CDH9: variants seen among roughly 807,000 people sequenced by gnomAD.
CDH9 encodes cadherin-9.
In CDH9, 28 loss-of-function variants were observed where a neutral mutation model predicts 70.9. The ratio of observed to expected loss-of-function variants is 0.40; its 90% CI spans 0.29 to 0.54. The LOEUF is 0.54. Among genes scored for constraint, CDH9 ranks in the 20% least tolerant of loss-of-function variants. The pLI, the probability that CDH9 is intolerant of heterozygous loss-of-function variation, is 0.59. For missense variants in CDH9, 874 were observed against 984.4 expected (o/e 0.89, Z 1.50); for synonymous variants, 409 against 343.1 (o/e 1.19, Z -2.12).
At chr5:26,896,820 G>C (rs1047286780) in intron 7 of CDH9, among the ~76,000 whole-genome samples, 2 of 151,868 alleles carry the variant, frequency 1.3e-5, no homozygotes, top group Non-Finnish European at 2.9e-5. Flanking sequence ...ACTAACATCA[G>C]AGCAGAGCTG....
At chr5:26,905,022 C>A (rs1024380662) in intron 5 of CDH9, among the ~76,000 whole-genome samples, 5 of 151,994 alleles carry the variant, frequency 3.3e-5, no homozygotes, top group Non-Finnish European at 7.4e-5. Context: ...ATGTTCTCAG[C>A]AAACTTTATT....
intron 1 of CDH9, among the ~76,000 whole-genome samples, chr5:27,033,490 A>T (rs1295027161): frequency 1.3e-5 from 2 of 151,534 alleles, no homozygotes; most frequent in Admixed American, 1.3e-4. Context: ...ATAGACAGAC[A>T]GACAGACAGA....
intron 2 of CDH9, among the ~76,000 whole-genome samples, chr5:26,930,359 T>C (rs1741421213): frequency 6.6e-6 from 1 of 152,064 alleles, no homozygotes. Context: ...AGATGGAGGA[T>C]TGGTTTCAGG....
At chr5:26,985,008 C>T (rs575989435) in intron 2 of CDH9, among the ~76,000 whole-genome samples, 1 of 152,156 alleles carries the variant, frequency 6.6e-6, no homozygotes, top group African/African-American at 2.4e-5. Context: ...CTAATCCATC[C>T]TGACAATGAA....
intron 2 of CDH9, among the ~76,000 whole-genome samples, chr5:26,962,736 T>C (rs1742058644): frequency 3.9e-5 from 6 of 151,906 alleles, no homozygotes; most frequent in Admixed American, 3.9e-4. Flanking sequence ...TGTAGTCTTC[T>C]TTTTATTTTA....
intron 2 of CDH9, among the ~76,000 whole-genome samples, chr5:26,935,333 G>T (rs1377322450): frequency 6.6e-6 from 1 of 152,080 alleles, no homozygotes; most frequent in Non-Finnish European, 1.5e-5. Flanking sequence ...AACAAGGCAA[G>T]AATGTACCCT....
chr5:26,933,519 G>A (rs902075817), intron 2 of CDH9, among the ~76,000 whole-genome samples: 10 of 152,168 alleles, frequency 6.6e-5, no homozygotes, highest in Middle Eastern at 3.4e-3. Flanking sequence ...GCTCACGCCT[G>A]TAATTCCAGC....
chr5:26,980,665 T>TAAAC (rs1446904277), intron 2 of CDH9, among the ~76,000 whole-genome samples: 2 of 152,018 alleles, frequency 1.3e-5, no homozygotes, highest in African/African-American at 2.4e-5. Context: ...TGGTAGTTTC[T>TAAAC]AAACAAACAA....
chr5:26,895,144 G>A (rs1023044616), intron 7 of CDH9, among the ~76,000 whole-genome samples: 1 of 151,854 alleles, frequency 6.6e-6, no homozygotes, highest in African/African-American at 2.4e-5. Flanking sequence ...CACTGACTAA[G>A]TCAATTTAGG....
intron 2 of CDH9, among the ~76,000 whole-genome samples, chr5:26,931,702 C>T (rs1011918398): frequency 1.3e-4 from 20 of 152,056 alleles, no homozygotes; most frequent in Non-Finnish European, 2.8e-4. Flanking sequence ...TTAGGAAGTA[C>T]CAGAAGAATG....
intron 3 of CDH9, among the ~76,000 whole-genome samples, chr5:26,909,416 T>A (rs1018460464): frequency 6.6e-6 from 1 of 151,862 alleles, no homozygotes; most frequent in African/African-American, 2.4e-5. Context: ...AAAATAAATA[T>A]TTTATTTTCA....
At chr5:26,956,909 A>G (rs1741955768) in intron 2 of CDH9, among the ~76,000 whole-genome samples, 1 of 152,136 alleles carries the variant, frequency 6.6e-6, no homozygotes, top group Non-Finnish European at 1.5e-5. Context: ...GTTAAAATAT[A>G]TAAACATTAA....
At chr5:26,916,751 A>G (rs978523005) in intron 2 of CDH9, among the ~76,000 whole-genome samples, 26 of 148,988 alleles carry the variant, frequency 1.7e-4, no homozygotes, top group Admixed American at 7.4e-4. Flanking sequence ...ATTCAGAGAG[A>G]CTAATCAGAG....
At chr5:26,984,676 A>G (rs1281371753) in intron 2 of CDH9, among the ~76,000 whole-genome samples, 5 of 152,226 alleles carry the variant, frequency 3.3e-5, no homozygotes, top group South Asian at 2.1e-4. Context: ...CCTGAGCAGT[A>G]TTGCAATTCT....
At chr5:26,918,872 A>G (rs1470600693) in intron 2 of CDH9, among the ~76,000 whole-genome samples, 3 of 152,116 alleles carry the variant, frequency 2.0e-5, no homozygotes, top group African/African-American at 7.2e-5. Flanking sequence ...AGCTCTTGGA[A>G]CTTTCTGGCC....
intron 1 of CDH9, among the ~76,000 whole-genome samples, chr5:27,035,328 T>C (rs1743373483): frequency 6.6e-6 from 1 of 151,512 alleles, no homozygotes; most frequent in South Asian, 2.1e-4. Context: ...AATAAGATAA[T>C]GTCATGGGTA....
intron 2 of CDH9, among the ~76,000 whole-genome samples, chr5:26,942,881 T>G (rs2112037428): frequency 6.6e-6 from 1 of 152,310 alleles, no homozygotes; most frequent in South Asian, 2.1e-4. Flanking sequence ...GATTTTGACT[T>G]TTGTTTCTGT....
At chr5:26,985,602 A>C (rs1458534441) in intron 2 of CDH9, among the ~76,000 whole-genome samples, 1 of 152,130 alleles carries the variant, frequency 6.6e-6, no homozygotes, top group East Asian at 1.9e-4. Flanking sequence ...CCTGTAAATT[A>C]ATATGTTGTC....
chr5:26,945,360 A>T (rs1314744868), intron 2 of CDH9, among the ~76,000 whole-genome samples: 1 of 152,128 alleles, frequency 6.6e-6, no homozygotes, highest in Non-Finnish European at 1.5e-5. Flanking sequence ...CATTTATTGC[A>T]TGCATATCAA....
Sources: allele counts gnomAD v4.1 joint callset (sites outside exome capture counted in the v4.1 genomes callset), GRCh38; gene constraint gnomAD v4.1.1; transcripts MANE v1.5; gene names NCBI Gene and HGNC (gene_info 2026-07-23, HGNC 2026-07-21).